The following MROH1 variants were observed in gnomAD, a reference collection of about 807,000 sequenced individuals.
MROH1 encodes the protein maestro heat-like repeat-containing protein family member 1.
A neutral mutation model predicts 116.5 loss-of-function variants in MROH1; 117 were observed. The ratio of observed to expected loss-of-function variants is 1.00; its 90% CI spans 0.86 to 1.17. The LOEUF (loss-of-function observed/expected upper bound fraction) is 1.17. MROH1 is among the 50% of genes most tolerant of loss of function. MROH1 has a pLI of 0.00. For missense variants in MROH1, 1,873 were observed against 1,338.5 expected, an observed-to-expected ratio of 1.40 and a Z score of -6.23; for synonymous variants, 921 against 583.9, an observed-to-expected ratio of 1.58 and a Z score of -8.32.
intron 12 of MROH1, among the ~76,000 whole-genome samples, chr8:144,210,505 A>G (rs1254276173): frequency 6.6e-6 from 1 of 152,154 alleles, no homozygotes; most frequent in Admixed American, 6.6e-5. Context: ...CAGCCTGGGC[A>G]ACATGATGAA....
At chr8:144,258,565 C>T (rs1304833262) in intron 35 of MROH1, among the ~76,000 whole-genome samples, 5 of 152,206 alleles carry the variant, frequency 3.3e-5, no homozygotes, top group African/African-American at 9.7e-5. Flanking sequence ...TACTAGCTCA[C>T]CTCCAAGCCA....
At chr8:144,232,668 T>C (rs2132659799) in intron 14 of MROH1, among the ~76,000 whole-genome samples, 1 of 152,020 alleles carries the variant, frequency 6.6e-6, no homozygotes, top group African/African-American at 2.4e-5. Context: ...TAATTTTTTG[T>C]ATTTTCAGTA....
intron 7 of MROH1, among the ~76,000 whole-genome samples, chr8:144,184,305 G>A (rs1324991733): frequency 6.6e-6 from 1 of 152,172 alleles, no homozygotes; most frequent in African/African-American, 2.4e-5. Context: ...GGGTGTGGCC[G>A]TGGGAAGCAG....
intron 1 of MROH1, among the ~76,000 whole-genome samples, chr8:144,157,416 T>C (rs1818424604): frequency 6.6e-6 from 1 of 152,232 alleles, no homozygotes; most frequent in African/African-American, 2.4e-5. Flanking sequence ...AGAGTAATGC[T>C]CAGAAAATTA....
chr8:144,217,188 T>C (rs971949386), intron 12 of MROH1, among the ~76,000 whole-genome samples: 2 of 152,164 alleles, frequency 1.3e-5, no homozygotes, highest in African/African-American at 2.4e-5. Context: ...ATTGGTAGCA[T>C]ATAAATTTAG....
chr8:144,190,844 A>ACC lies in MROH1; in HGVS notation c.626_627dup (p.Thr210ProfsTer42), dbSNP rs1159521197. On this transcript the variant is annotated frameshift_variant, in exon 8 of 44. Transcript: ENST00000326134. LOFTEE classifies it high-confidence loss of function. ...CTAGCCAACCTGGACCGAGCCCCAG[A>ACC]CCCCACGGTCAGGAAGGACGCCTTT... 6.2e-7 allele frequency: 1 copy of ACC among 1,613,692 alleles called. No individual in the cohort carries two copies. The highest frequency in any genetic ancestry group is 1.1e-5 in the South Asian group (1 of 91,068).
chr8:144,189,393 G>A (rs1349153116), intron 7 of MROH1, among the ~76,000 whole-genome samples: 1 of 152,160 alleles, frequency 6.6e-6, no homozygotes, highest in Non-Finnish European at 1.5e-5. Flanking sequence ...ATCTCCCTGT[G>A]CCCCCATGTT....
chr8:144,192,177 G>C, intron 9 of MROH1, 132 bp from the exon 10 acceptor site: 1 of 762,782 alleles, frequency 1.3e-6, no homozygotes, highest in Non-Finnish European at 2.1e-6. Context: ...CTCCTCATTT[G>C]AGCCCCAAGG....
Position 144,261,342 on chromosome 8 carries a change from C to A in MROH1, c.4833C>A (p.Leu1611=), listed in dbSNP as rs1187206074. The change falls in exon 43 of 44, where the codon CTC becomes CTA. Residue 1611 remains leucine (L), a synonymous_variant. Coordinates refer to ENST00000326134, the MANE Select transcript of MROH1 (RefSeq NM_032450.3). ...RQQPQVDLDQ[L]IAALQILLKD... is the part of the protein sequence containing the mutation. Reference sequence around the variant, plus strand: ...AGCCGCAGGTGGACCTGGACCAGCTCATTGCGGGTGAGCACCCCTCCACGG... The same window carrying A: ...AGCCGCAGGTGGACCTGGACCAGCTAATTGCGGGTGAGCACCCCTCCACGG... The A allele has an allele frequency of 5.7e-6, 4 of 707,922 alleles. No individual in the cohort carries two copies. Among genetic ancestry groups the A allele is most frequent in the African/African-American group, 5.2e-5 (3 of 57,496 alleles). 43.9% of individuals were successfully genotyped at this position (707,922 alleles called of 1,614,324 possible). A position where few individuals can be genotyped will look rare whatever the true frequency, so the allele number is the denominator to read the frequency against.
chr8:144,166,358 G>A (rs1435987347), intron 3 of MROH1, among the ~76,000 whole-genome samples: 6 of 152,218 alleles, frequency 3.9e-5, no homozygotes, highest in Admixed American at 1.3e-4. Context: ...CAGAGGCTCA[G>A]TTCAGCCTGC....
intron 3 of MROH1, among the ~76,000 whole-genome samples, chr8:144,164,463 G>C (rs1231813841): frequency 2.6e-5 from 4 of 151,680 alleles, no homozygotes; most frequent in Non-Finnish European, 5.9e-5. Context: ...GGAGTGCAGT[G>C]GTGCAATCAT....
chr8:144,259,509 A>G (rs1844566667), intron 37 of MROH1, among the ~76,000 whole-genome samples, 155 bp downstream of exon 37: 1 of 152,062 alleles, frequency 6.6e-6, no homozygotes, highest in Non-Finnish European at 1.5e-5. Context: ...CCATGCCAGA[A>G]CTCACTCAGT....
chr8:144,258,196 G>A (rs1251158327), intron 35 of MROH1, among the ~76,000 whole-genome samples: 1 of 152,190 alleles, frequency 6.6e-6, no homozygotes, highest in Non-Finnish European at 1.5e-5. Context: ...GTGGAGGTCT[G>A]GGGAGTCAGA....
At chr8:144,219,096 C>T (rs893923698) in intron 12 of MROH1, among the ~76,000 whole-genome samples, 3 of 151,102 alleles carry the variant, frequency 2.0e-5, no homozygotes, top group African/African-American at 7.3e-5. Flanking sequence ...GATCTCAGCT[C>T]ACTGCAAGCT....
At chr8:144,257,337 G>C (rs1844067543) in intron 35 of MROH1, among the ~76,000 whole-genome samples, 1 of 152,148 alleles carries the variant, frequency 6.6e-6, no homozygotes, top group Non-Finnish European at 1.5e-5. Flanking sequence ...GGCTGGCCCT[G>C]CTGTTGGTCA....
intron 12 of MROH1, among the ~76,000 whole-genome samples, chr8:144,217,880 G>T (rs2132280764): frequency 6.6e-6 from 1 of 151,854 alleles, no homozygotes; most frequent in African/African-American, 2.4e-5. Flanking sequence ...TGTGTTAGTG[G>T]CCCAGTATCC....
chr8:144,166,624 GGA>G (rs895008049), intron 3 of MROH1, among the ~76,000 whole-genome samples: 4 of 152,160 alleles, frequency 2.6e-5, no homozygotes, highest in Non-Finnish European at 5.9e-5. Flanking sequence ...TGAGCTTGAG[GGA>G]CACCGAGAGG....
At chr8:144,191,231 G>A (rs913199070) in intron 8 of MROH1, among the ~76,000 whole-genome samples, 4 of 152,106 alleles carry the variant, frequency 2.6e-5, no homozygotes, top group Admixed American at 6.6e-5. Flanking sequence ...CACCACTCCC[G>A]GCTTATTTTT....
At chr8:144,256,983 ATGAGG>A (rs1588539072) in intron 35 of MROH1, among the ~76,000 whole-genome samples, 56 of 151,260 alleles carry the variant, frequency 3.7e-4, no homozygotes, top group East Asian at 1.9e-3. Context: ...GGCTCAGACC[ATGAGG>A]CCCTGGCTCA....
Sources: gnomAD v4.1 joint callset for allele counts (sites outside exome capture counted in the v4.1 genomes callset) on GRCh38, gnomAD v4.1.1 for gene constraint, MANE v1.5 for transcripts, NCBI Gene and HGNC (gene_info 2026-07-23, HGNC 2026-07-21) for gene names.